Variants in NPSR1 observed in about 807,000 individuals in gnomAD.
The protein encoded by NPSR1 is neuropeptide S receptor 1.
In NPSR1, 48 loss-of-function variants were observed where a neutral mutation model predicts 46.9. That is an observed-to-expected ratio of 1.02 (90% confidence interval 0.81 to 1.30). The LOEUF is 1.30. NPSR1 is among the 50% of genes most tolerant of loss of function. The pLI, the probability that NPSR1 is intolerant of heterozygous loss-of-function variation, is 0.00. For missense variants in NPSR1, 450 were observed against 449.5 expected, an observed-to-expected ratio of 1.00 and a Z score of -0.01; for synonymous variants, 176 against 168.1, an observed-to-expected ratio of 1.05 and a Z score of -0.36.
chr7:34,759,698 C>T (rs1786063716), intron 2 of NPSR1, among the ~76,000 whole-genome samples: 1 of 152,170 alleles, frequency 6.6e-6, no homozygotes, highest in Non-Finnish European at 1.5e-5. Context: ...AATGCTGGGT[C>T]ATATTCCCAA....
At chr7:34,765,259 A>G (rs574180375) in intron 2 of NPSR1, among the ~76,000 whole-genome samples, 1 of 152,354 alleles carries the variant, frequency 6.6e-6, no homozygotes, top group South Asian at 2.1e-4. Flanking sequence ...AAAATGCATG[A>G]GACTCAAAAA....
intron 2 of NPSR1, among the ~76,000 whole-genome samples, chr7:34,690,798 C>T (rs1793210739): frequency 6.6e-6 from 1 of 152,070 alleles, no homozygotes; most frequent in African/African-American, 2.4e-5. Flanking sequence ...GTATGGAAAA[C>T]CTATTTGAGG....
intron 1 of NPSR1, among the ~76,000 whole-genome samples, chr7:34,659,574 G>C (rs957323517): frequency 6.6e-6 from 1 of 152,128 alleles, no homozygotes; most frequent in Non-Finnish European, 1.5e-5. Context: ...TTTCAGCAGG[G>C]TGCTGTCCCA....
At chr7:34,662,098 T>C (rs1791481428) in intron 1 of NPSR1, among the ~76,000 whole-genome samples, 1 of 152,202 alleles carries the variant, frequency 6.6e-6, no homozygotes, top group African/African-American at 2.4e-5. Flanking sequence ...GTGAATTATC[T>C]AAATTATAAA....
At chr7:34,823,630 A>T (rs1347241896) in intron 4 of NPSR1, among the ~76,000 whole-genome samples, 1 of 152,110 alleles carries the variant, frequency 6.6e-6, no homozygotes, top group Non-Finnish European at 1.5e-5. Flanking sequence ...GGGAAATGTA[A>T]CAATATTTGT....
At chr7:34,827,309 G>A in intron 4 of NPSR1, 92 bp from the exon 5 acceptor site, 2 of 1,055,206 alleles carry the variant, frequency 1.9e-6, no homozygotes, top group Admixed American at 2.0e-5. Flanking sequence ...CAGGGTGGCT[G>A]CCCCACAGTG....
chr7:34,767,063 T>C (rs888570118), intron 2 of NPSR1, among the ~76,000 whole-genome samples: 2 of 152,216 alleles, frequency 1.3e-5, no homozygotes, highest in African/African-American at 4.8e-5. Context: ...AACTGTTCTC[T>C]ATCCCGACTG....
intron 2 of NPSR1, among the ~76,000 whole-genome samples, chr7:34,766,347 CTGAG>C (rs550549437): frequency 1.3e-5 from 2 of 152,086 alleles, no homozygotes; most frequent in Non-Finnish European, 2.9e-5. Flanking sequence ...AATTCCACTT[CTGAG>C]TATTTGTCCT....
intron 3 of NPSR1, among the ~76,000 whole-genome samples, chr7:34,807,126 T>A (rs180871085): frequency 6.6e-6 from 1 of 152,276 alleles, no homozygotes; most frequent in Non-Finnish European, 1.5e-5. Context: ...TGACTCGAGT[T>A]AATTATGAGG....
At chr7:34,778,153 C>T (rs1273093549) in intron 2 of NPSR1, among the ~76,000 whole-genome samples, 1 of 152,128 alleles carries the variant, frequency 6.6e-6, no homozygotes, top group Non-Finnish European at 1.5e-5. Flanking sequence ...TTAGTACAGA[C>T]CTACATACCC....
chr7:34,797,421 T>C (rs541390060), intron 3 of NPSR1, among the ~76,000 whole-genome samples: 5 of 152,234 alleles, frequency 3.3e-5, no homozygotes, highest in African/African-American at 1.2e-4. Flanking sequence ...GCTCTGTGTA[T>C]GGGGGACAGG....
chr7:34,795,762 C>T (rs1484905569), intron 3 of NPSR1, among the ~76,000 whole-genome samples: 2 of 151,942 alleles, frequency 1.3e-5, no homozygotes, highest in Non-Finnish European at 2.9e-5. Flanking sequence ...CAAAGAAAAA[C>T]TAAATAAAGA....
chr7:34,785,852 A>G (rs1787442210), intron 3 of NPSR1, among the ~76,000 whole-genome samples: 1 of 152,144 alleles, frequency 6.6e-6, no homozygotes, highest in African/African-American at 2.4e-5. Context: ...TCTAAAAAGT[A>G]TACATGTTAA....
intron 2 of NPSR1, among the ~76,000 whole-genome samples, chr7:34,693,531 CAG>C (rs1306386384): frequency 6.6e-6 from 1 of 152,070 alleles, no homozygotes; most frequent in Non-Finnish European, 1.5e-5. Flanking sequence ...ATCTCAAGAC[CAG>C]ACAGATTCAC....
chr7:34,749,359 G>C (rs1293389235), intron 2 of NPSR1, among the ~76,000 whole-genome samples: 1 of 152,146 alleles, frequency 6.6e-6, no homozygotes, highest in Admixed American at 6.5e-5. Flanking sequence ...AAGGATAAAG[G>C]GAAGGGGGTA....
intron 2 of NPSR1, among the ~76,000 whole-genome samples, chr7:34,767,773 C>A (rs1786502194): frequency 6.6e-6 from 1 of 151,952 alleles, no homozygotes; most frequent in East Asian, 1.9e-4. Flanking sequence ...CTTAAATAAC[C>A]TGAAGCAGAA....
chr7:34,848,797 G>T, intron 8 of NPSR1, 134 bp downstream of exon 8: 1 of 795,232 alleles, frequency 1.3e-6, no homozygotes, highest in South Asian at 1.8e-5. Flanking sequence ...AGGCTTGAGA[G>T]TCAGAAAGAT....
chr7:34,725,442 G>A (rs992610533), intron 2 of NPSR1, among the ~76,000 whole-genome samples: 7 of 152,118 alleles, frequency 4.6e-5, no homozygotes, highest in African/African-American at 1.7e-4. Context: ...ATCTACAATT[G>A]AGGATACTGA....
At chr7:34,809,393 C>T (rs1788870764) in intron 3 of NPSR1, among the ~76,000 whole-genome samples, 2 of 150,976 alleles carry the variant, frequency 1.3e-5, no homozygotes, top group African/African-American at 4.9e-5. Context: ...GGTACATGTG[C>T]AGGTTTCTTA....
Sources: allele counts gnomAD v4.1 joint callset (sites outside exome capture counted in the v4.1 genomes callset), GRCh38; gene constraint gnomAD v4.1.1; transcripts MANE v1.5; gene names NCBI Gene and HGNC (gene_info 2026-07-23, HGNC 2026-07-21).